SULT1C3: variants seen among roughly 807,000 people sequenced by gnomAD.
SULT1C3 encodes the protein sulfotransferase 1C3.
A neutral mutation model predicts 28.4 loss-of-function variants in SULT1C3; 31 were observed. That is an observed-to-expected ratio of 1.09 (90% CI 0.82 to 1.47). The LOEUF (loss-of-function observed/expected upper bound fraction) is 1.47. Among genes scored for constraint, SULT1C3 ranks in the 40% most tolerant of loss-of-function variants. The pLI, the probability that SULT1C3 is intolerant of heterozygous loss-of-function variation, is 0.00. For missense variants in SULT1C3, 307 were observed against 272.5 expected (o/e 1.13, Z -0.89); for synonymous variants, 106 against 92.2 (o/e 1.15, Z -0.86).
At chr2:108,253,236 T>C (rs1175020753) in intron 3 of SULT1C3, 109 bp from the exon 4 acceptor site, 2 of 599,700 alleles carry the variant, frequency 3.3e-6, no homozygotes, top group Admixed American at 8.0e-5. Context: ...CTATTTCCAA[T>C]GGATATAAAA....
intron 1 of SULT1C3, among the ~76,000 whole-genome samples, 43 bp downstream of exon 1, chr2:108,240,126 G>A (rs562041054): frequency 1.3e-5 from 2 of 152,254 alleles, no homozygotes; most frequent in South Asian, 4.1e-4. Flanking sequence ...AGTGTCTGAC[G>A]ACCACCAGGC....
At chr2:108,245,619 A>G (rs1299155560) in intron 1 of SULT1C3, among the ~76,000 whole-genome samples, 2 of 152,138 alleles carry the variant, frequency 1.3e-5, no homozygotes, top group Non-Finnish European at 2.9e-5. Flanking sequence ...GCAGGGTAAC[A>G]AGACCCTAGG....
intron 2 of SULT1C3, among the ~76,000 whole-genome samples, chr2:108,247,873 T>C (rs1168099189): frequency 3.3e-5 from 5 of 152,154 alleles, no homozygotes; most frequent in African/African-American, 1.2e-4. Context: ...ATGCCTTAGA[T>C]TTCTAATTCT....
At chr2:108,257,970 AAG>A (rs1370433435) in intron 5 of SULT1C3, among the ~76,000 whole-genome samples, 3 of 152,036 alleles carry the variant, frequency 2.0e-5, no homozygotes, top group Non-Finnish European at 4.4e-5. Flanking sequence ...CCTGATTCAA[AAG>A]AGAGCATTTC....
At chr2:108,265,081 G>C, downstream of SULT1C3, 1 of 1,499,812 alleles carries the variant, frequency 6.7e-7, no homozygotes, top group Non-Finnish European at 9.0e-7. Flanking sequence ...TTCCAGTAAT[G>C]TTTCATTCTC....
At chr2:108,252,261 A>G in intron 2 of SULT1C3, 104 bp from the exon 3 acceptor site, 4 of 1,136,666 alleles carry the variant, frequency 3.5e-6, no homozygotes, top group Non-Finnish European at 4.9e-6. Context: ...ACATTGATCT[A>G]ATTTTAAAGT....
chr2:108,252,838 G>A (rs913213555), intron 3 of SULT1C3, among the ~76,000 whole-genome samples: 2 of 152,058 alleles, frequency 1.3e-5, no homozygotes, highest in African/African-American at 4.8e-5. Context: ...AATAACAGGT[G>A]TGATTTCTGA....
intron 2 of SULT1C3, among the ~76,000 whole-genome samples, chr2:108,252,114 G>A (rs902130444): frequency 6.6e-6 from 1 of 151,544 alleles, no homozygotes; most frequent in African/African-American, 2.4e-5. Context: ...TACATAGATA[G>A]ATACATAGAT....
At chr2:108,247,518 C>T in intron 2 of SULT1C3, 152 bp downstream of exon 2, 1 of 715,858 alleles carries the variant, frequency 1.4e-6, no homozygotes, top group Non-Finnish European at 2.1e-6. Flanking sequence ...TTTAGCATTC[C>T]TGATCCCTAG....
intron 3 of SULT1C3, among the ~76,000 whole-genome samples, chr2:108,252,775 T>C (rs990251672): frequency 3.3e-5 from 5 of 152,052 alleles, no homozygotes; most frequent in African/African-American, 1.2e-4. Context: ...TGTATTCTCC[T>C]TCATATGTTT....
chr2:108,258,568 G>A (rs6542757), intron 5 of SULT1C3, among the ~76,000 whole-genome samples, 166 bp from the exon 6 acceptor site: 10 of 152,152 alleles, frequency 6.6e-5, no homozygotes, highest in South Asian at 2.1e-4. Context: ...TATAAATCTC[G>A]GCTTTACACC....
At chr2:108,248,567 G>C (rs1675649554) in intron 2 of SULT1C3, among the ~76,000 whole-genome samples, 1 of 152,108 alleles carries the variant, frequency 6.6e-6, no homozygotes, top group Non-Finnish European at 1.5e-5. Context: ...AATACCTTTA[G>C]ATATCTTTAG....
At chr2:108,255,806 T>A (rs548933792) in intron 5 of SULT1C3, 108 bp downstream of exon 5, 81 of 1,352,936 alleles carry the variant, frequency 6.0e-5, no homozygotes, top group Non-Finnish European at 7.3e-5. Context: ...ATTGAGGAGG[T>A]CCTATCTTGA....
downstream of SULT1C3, among the ~76,000 whole-genome samples, chr2:108,263,666 G>T (rs1676071343): frequency 6.6e-6 from 1 of 152,108 alleles, no homozygotes; most frequent in Admixed American, 6.6e-5. Context: ...TCAGTTCACA[G>T]GGCTTTAAGA....
chr2:108,243,280 A>G (rs775669352), intron 1 of SULT1C3, among the ~76,000 whole-genome samples: 25 of 152,134 alleles, frequency 1.6e-4, no homozygotes, highest in Non-Finnish European at 3.4e-4. Flanking sequence ...CAACTTTGGG[A>G]GGAACCTGGT....
At chr2:108,263,228 C>A (rs966083021), downstream of SULT1C3, among the ~76,000 whole-genome samples, 1 of 152,160 alleles carries the variant, frequency 6.6e-6, no homozygotes, top group East Asian at 1.9e-4. Context: ...ATAATCCTAA[C>A]TGGGTACTGT....
downstream of SULT1C3, chr2:108,264,682 C>A: frequency 2.5e-6 from 2 of 805,626 alleles, no homozygotes; most frequent in Non-Finnish European, 3.9e-6. Flanking sequence ...CAGTGTCTGG[C>A]ACTAGGAGTC....
At chr2:108,249,347 G>A (rs931578312) in intron 2 of SULT1C3, among the ~76,000 whole-genome samples, 1 of 151,918 alleles carries the variant, frequency 6.6e-6, no homozygotes, top group East Asian at 1.9e-4. Context: ...TTCTCTGACA[G>A]CGAAAAGCTG....
chr2:108,259,342 A>G (rs563670731), intron 7 of SULT1C3, among the ~76,000 whole-genome samples, 196 bp downstream of exon 7: 4 of 152,242 alleles, frequency 2.6e-5, no homozygotes, highest in African/African-American at 9.6e-5. Flanking sequence ...GAACCCCTGC[A>G]GGCCTTGCTA....
Sources: gnomAD v4.1 joint callset for allele counts (sites outside exome capture counted in the v4.1 genomes callset) on GRCh38, gnomAD v4.1.1 for gene constraint, MANE v1.5 for transcripts, NCBI Gene and HGNC (gene_info 2026-07-23, HGNC 2026-07-21) for gene names.